PCBD2: variants seen among roughly 807,000 people sequenced by gnomAD.
PCBD2 encodes pterin-4-alpha-carbinolamine dehydratase 2.
Under a neutral mutation model 16.4 loss-of-function variants are expected in PCBD2, and 12 were observed. That is an observed-to-expected ratio of 0.73 (90% CI 0.47 to 1.19). The LOEUF (loss-of-function observed/expected upper bound fraction) is 1.19. PCBD2 is among the 50% of genes most tolerant of loss of function. The pLI is 0.00. For synonymous variants in PCBD2, 58 were observed against 61.8 expected, an observed-to-expected ratio of 0.94 and a Z score of 0.29; for missense variants, 138 against 156.8, an observed-to-expected ratio of 0.88 and a Z score of 0.64.
At chr5:134,921,414 G>C (rs1020541655) in intron 2 of PCBD2, among the ~76,000 whole-genome samples, 1 of 152,108 alleles carries the variant, frequency 6.6e-6, no homozygotes, top group Non-Finnish European at 1.5e-5. Flanking sequence ...TCTGGTATGT[G>C]GTTGTAAGGG....
In PCBD2 at chr5:134,905,407, G is replaced by A. The variant is rs564437039; in HGVS notation, c.84+184G>A. 31 of 440,524 alleles carry A rather than the reference G, an allele frequency of 7.0e-5. No individual in the cohort carries two copies. The South Asian group carries it at 3.5e-3, about 50-fold the overall frequency. The allele number at this position is 440,524 out of a possible 1,614,324, so 27.3% of individuals were successfully genotyped here. ...TGTCCGGTGCGCCGCTCAGAGACCG[G>A]GGTGGCCGCAGCCTCCGCCACTTGC... On this transcript the variant is annotated intron_variant, in intron 1 of 3. Transcript: ENST00000254908.
rs1751338208 is a variant in PCBD2, at chr5:134,949,707, TC to T, written c.217-9331del. On this transcript the variant is annotated intron_variant, in intron 2 of 3. Transcript: ENST00000254908. ...CAGCGGCTAGAACAGTTAACAGTGT[TC>T]CACGTGAAAGTCTTGGTGAGACATG... is the stretch of plus-strand genomic sequence containing the variant. Among the ~76,000 whole-genome samples, 6 of 152,332 alleles carry T rather than the reference TC, an allele frequency of 3.9e-5. No homozygotes were observed. The South Asian group carries it at 1.2e-3, about 32-fold the overall frequency.
intron 2 of PCBD2, among the ~76,000 whole-genome samples, chr5:134,915,183 C>T (rs1468722834): frequency 1.3e-5 from 2 of 151,850 alleles, no homozygotes; most frequent in African/African-American, 2.4e-5. Flanking sequence ...GGCGTGGTGG[C>T]GTGCGCCTGT....
intron 1 of PCBD2, 165 bp downstream of exon 1, chr5:134,905,388 G>C (rs1426851766): frequency 7.7e-6 from 4 of 517,722 alleles, no homozygotes; most frequent in African/African-American, 6.0e-5. Context: ...CACCTGTCCG[G>C]TGCGCCGCTC....
intron 1 of PCBD2, among the ~76,000 whole-genome samples, chr5:134,910,026 C>T (rs535969108): frequency 6.6e-6 from 1 of 152,300 alleles, no homozygotes; most frequent in South Asian, 2.1e-4. Context: ...GCTGTGATTG[C>T]ACCACTACGC....
rs1751489801 is a variant in PCBD2, at chr5:134,962,491, G to A, written c.*1810G>A. 6.6e-6 allele frequency among the ~76,000 whole-genome samples: 1 copy of A among 151,996 alleles called. No individual in the cohort carries two copies. The highest frequency in any genetic ancestry group is 6.6e-5 in the Admixed American group (1 of 15,250). On this transcript the variant is annotated 3_prime_UTR_variant, in exon 4 of 4. Coordinates refer to ENST00000254908, the MANE Select transcript of PCBD2 (RefSeq NM_032151.5). Reference sequence around the variant, plus strand: ...TGGTCTTGAATGCCTGGGCTCAAATGATCTTCCTGCCTTGACCCCCCAAAG... The same window carrying A: ...TGGTCTTGAATGCCTGGGCTCAAATAATCTTCCTGCCTTGACCCCCCAAAG...
chr5:134,927,827 G>C, intron 2 of PCBD2: 1 of 390,996 alleles, frequency 2.6e-6, no homozygotes, highest in South Asian at 1.3e-4. Flanking sequence ...GCAGGAGTCA[G>C]GTAGTTAGTA....
chr5:134,926,064 G>T, intron 2 of PCBD2: 1 of 364,002 alleles, frequency 2.7e-6, no homozygotes, highest in South Asian at 1.4e-4. Context: ...TGTTAGCAGT[G>T]ACTAGGATTA....
At chr5:134,905,851 C>T (rs535903265) in intron 1 of PCBD2, among the ~76,000 whole-genome samples, 1 of 152,114 alleles carries the variant, frequency 6.6e-6, no homozygotes, top group South Asian at 2.1e-4. Context: ...TTTTAACCGC[C>T]CATTTCAGTT....
At position 134,961,046 on chromosome 5, in the gene PCBD2, T is replaced by A; in HGVS notation, c.*365T>A. Reference sequence around the variant, plus strand: ...TCCCAAAGTGCTGGGATTACAGGCATGAGCCACCATGCCTGGCTGTTGAAT... The same window carrying A: ...TCCCAAAGTGCTGGGATTACAGGCAAGAGCCACCATGCCTGGCTGTTGAAT... On this transcript the variant is annotated 3_prime_UTR_variant, in exon 4 of 4. Transcript: ENST00000254908. 6.1e-6 allele frequency: 1 copy of A among 164,934 alleles called. No individual in the cohort carries two copies. Among genetic ancestry groups the A allele is most frequent in the Non-Finnish European group, 1.3e-5 (1 of 76,414 alleles). The allele number at this position is 164,934 out of a possible 1,614,324, so 10.2% of individuals were successfully genotyped here.
intron 2 of PCBD2, among the ~76,000 whole-genome samples, chr5:134,942,575 C>T (rs1373835295): frequency 6.6e-6 from 1 of 152,022 alleles, no homozygotes; most frequent in African/African-American, 2.4e-5. Context: ...GAAGGTACTA[C>T]TTGATCAGAA....
At chr5:134,926,165 A>G in intron 2 of PCBD2, 1 of 320,596 alleles carries the variant, frequency 3.1e-6, no homozygotes, top group Non-Finnish European at 5.6e-6. Flanking sequence ...TCTATGATGG[A>G]TCACGTAACG....
At chr5:134,914,911 G>A (rs1203026009) in intron 2 of PCBD2, among the ~76,000 whole-genome samples, 1 of 152,150 alleles carries the variant, frequency 6.6e-6, no homozygotes, top group Admixed American at 6.5e-5. Flanking sequence ...GACCTCAGGT[G>A]ATCTGCCCGC....
chr5:134,956,645 C>G (rs1235006195), intron 2 of PCBD2, among the ~76,000 whole-genome samples: 1 of 152,148 alleles, frequency 6.6e-6, no homozygotes, highest in African/African-American at 2.4e-5. Context: ...AGGATGTTAC[C>G]CCACAATGTA....
chr5:134,914,879 G>C (rs1275509633), intron 2 of PCBD2, among the ~76,000 whole-genome samples: 1 of 152,068 alleles, frequency 6.6e-6, no homozygotes, highest in African/African-American at 2.4e-5. Context: ...TGCCATGTTG[G>C]CCAGGCTGGT....
chr5:134,944,847 A>T (rs768956259), intron 2 of PCBD2, among the ~76,000 whole-genome samples: 1 of 152,222 alleles, frequency 6.6e-6, no homozygotes, highest in African/African-American at 2.4e-5. Flanking sequence ...TGAAGAGAGA[A>T]GGGAAGCTGG....
chr5:134,961,953 G>A lies in PCBD2; in HGVS notation c.*1272G>A, dbSNP rs902596529. Among the ~76,000 whole-genome samples the A allele has an allele frequency of 6.6e-6, 1 of 151,886 alleles. No individual in the cohort carries two copies. The highest frequency in any genetic ancestry group is 2.4e-5 in the African/African-American group (1 of 41,318). On this transcript the variant is annotated 3_prime_UTR_variant, in exon 4 of 4. Coordinates refer to ENST00000254908, the MANE Select transcript of PCBD2 (RefSeq NM_032151.5). Reference sequence around the variant, plus strand: ...ATTTTTAAATTTTTTGTAGAGATGGGGTCTCCCATCTTGCCCAGGCTGGCC... The same window carrying A: ...ATTTTTAAATTTTTTGTAGAGATGGAGTCTCCCATCTTGCCCAGGCTGGCC...
At chr5:134,958,492 C>G (rs1401609870) in intron 2 of PCBD2, among the ~76,000 whole-genome samples, 5 of 152,216 alleles carry the variant, frequency 3.3e-5, no homozygotes, top group Non-Finnish European at 7.3e-5. Context: ...CTGTTTCACT[C>G]TAGGTGCCAA....
Position 134,916,195 on chromosome 5 carries a change from T to C in PCBD2, c.216+5729T>C, listed in dbSNP as rs1419243735. Among the ~76,000 whole-genome samples the C allele has an allele frequency of 2.6e-5, 4 of 152,106 alleles. No individual in the cohort carries two copies. The East Asian group carries it at 7.7e-4, about 29-fold the overall frequency. Reference sequence around the variant, plus strand: ...CAGTTACATGGGAGGGAGGCTAGGGTTGGAGAATCATTTGAACCCAGGAGG... The same window carrying C: ...CAGTTACATGGGAGGGAGGCTAGGGCTGGAGAATCATTTGAACCCAGGAGG... On this transcript the variant is annotated intron_variant, in intron 2 of 3. Coordinates refer to ENST00000254908, the MANE Select transcript of PCBD2 (RefSeq NM_032151.5).
Sources: gnomAD v4.1 joint callset for allele counts (sites outside exome capture counted in the v4.1 genomes callset) on GRCh38, gnomAD v4.1.1 for gene constraint, MANE v1.5 for transcripts, NCBI Gene and HGNC (gene_info 2026-07-23, HGNC 2026-07-21) for gene names.